VRK1: variants seen among roughly 807,000 people sequenced by gnomAD.
VRK1 encodes serine/threonine-protein kinase VRK1.
A neutral mutation model predicts 57.1 loss-of-function variants in VRK1; 33 were observed. The ratio of observed to expected loss-of-function variants is 0.58; its 90% confidence interval spans 0.44 to 0.77. VRK1 has a LOEUF of 0.77. VRK1 is among the 30% of genes least tolerant of loss of function. The pLI, the probability that VRK1 is intolerant of heterozygous loss-of-function variation, is 0.00. For missense variants in VRK1, 413 were observed against 477.3 expected (o/e 0.87, Z 1.25); for synonymous variants, 137 against 147.8 (o/e 0.93, Z 0.53).
intron 1 of VRK1, among the ~76,000 whole-genome samples, chr14:96,813,487 C>T (rs544286763): frequency 6.6e-5 from 10 of 151,628 alleles, no homozygotes; most frequent in South Asian, 2.1e-4. Context: ...TCTTCAGTGG[C>T]GTATACATCA....
chr14:96,863,658 T>A (rs1242238677), intron 11 of VRK1, among the ~76,000 whole-genome samples: 1 of 152,204 alleles, frequency 6.6e-6, no homozygotes, highest in Non-Finnish European at 1.5e-5. Flanking sequence ...ATATTGTTGC[T>A]CCCTATGAAT....
chr14:96,805,800 C>T (rs1475844045), intron 1 of VRK1, among the ~76,000 whole-genome samples: 1 of 152,102 alleles, frequency 6.6e-6, no homozygotes, highest in Non-Finnish European at 1.5e-5. Context: ...GAAAGAAGGG[C>T]AGTGTTAAAA....
chr14:96,878,899 A>G (rs2139852337), intron 12 of VRK1, among the ~76,000 whole-genome samples: 1 of 152,252 alleles, frequency 6.6e-6, no homozygotes, highest in South Asian at 2.1e-4. Context: ...AAAATTAGCT[A>G]ATATAGCCAT....
intron 1 of VRK1, among the ~76,000 whole-genome samples, chr14:96,827,348 T>C (rs1245792906): frequency 1.3e-5 from 2 of 152,200 alleles, no homozygotes; most frequent in African/African-American, 4.8e-5. Flanking sequence ...CTGCAAGACT[T>C]AGCAGAGAAA....
intron 3 of VRK1, among the ~76,000 whole-genome samples, chr14:96,841,085 T>G (rs1394278467): frequency 6.6e-6 from 1 of 152,216 alleles, no homozygotes; most frequent in African/African-American, 2.4e-5. Flanking sequence ...GTCAAACTCT[T>G]AAGCTCAAGT....
At chr14:96,818,785 A>AT in intron 1 of VRK1, among the ~76,000 whole-genome samples, 1 of 152,196 alleles carries the variant, frequency 6.6e-6, no homozygotes, top group South Asian at 2.1e-4. Flanking sequence ...ATGTTTAGTG[A>AT]TTTTGGTCAT....
chr14:96,833,405 G>A, intron 1 of VRK1, 62 bp from the exon 2 acceptor site: 2 of 1,600,172 alleles, frequency 1.2e-6, no homozygotes, highest in Non-Finnish European at 1.7e-6. Context: ...TTTCCTTAGG[G>A]AAAAATGTTT....
At chr14:96,872,414 A>G (rs915831084) in intron 11 of VRK1, among the ~76,000 whole-genome samples, 1 of 152,210 alleles carries the variant, frequency 6.6e-6, no homozygotes, top group African/African-American at 2.4e-5. Flanking sequence ...GAGGAAAACC[A>G]TAGTCCTTGC....
chr14:96,875,909 T>G, intron 11 of VRK1, 121 bp from the exon 12 acceptor site: 1 of 1,011,420 alleles, frequency 9.9e-7, no homozygotes, highest in South Asian at 1.3e-5. Context: ...ATTCTTCCTG[T>G]GTGTTTTGAC....
chr14:96,851,707 A>G (rs965813635), intron 5 of VRK1, among the ~76,000 whole-genome samples: 1 of 152,222 alleles, frequency 6.6e-6, no homozygotes, highest in African/African-American at 2.4e-5. Flanking sequence ...ATTTCAGTTA[A>G]TATGTAGTAC....
intron 1 of VRK1, among the ~76,000 whole-genome samples, chr14:96,806,243 G>A (rs1235155274): frequency 6.6e-6 from 1 of 152,164 alleles, no homozygotes; most frequent in Non-Finnish European, 1.5e-5. Context: ...TCACGCCTAT[G>A]GATAAAAGGA....
At chr14:96,806,045 T>G (rs2224442) in intron 1 of VRK1, among the ~76,000 whole-genome samples, 18,818 of 151,556 alleles carry the variant, frequency 0.12, 2,866 homozygotes, top group East Asian at 0.83. Flanking sequence ...AGCTGCCCAT[T>G]TAAAACTATC....
chr14:96,806,131 G>A (rs1885867662), intron 1 of VRK1, among the ~76,000 whole-genome samples: 1 of 152,150 alleles, frequency 6.6e-6, no homozygotes, highest in East Asian at 1.9e-4. Context: ...ACAGATGGGC[G>A]TGAGTATAGG....
intron 3 of VRK1, among the ~76,000 whole-genome samples, chr14:96,845,861 AT>A (rs1887664299): frequency 6.6e-6 from 1 of 152,154 alleles, no homozygotes; most frequent in African/African-American, 2.4e-5. Context: ...TATATATCTG[AT>A]TTTGTATAAT....
At chr14:96,869,963 T>C (rs577100371) in intron 11 of VRK1, among the ~76,000 whole-genome samples, 12 of 152,300 alleles carry the variant, frequency 7.9e-5, no homozygotes, top group African/African-American at 2.4e-4. Context: ...TTGGTTTTCA[T>C]TGATGTATTT....
intron 11 of VRK1, among the ~76,000 whole-genome samples, chr14:96,873,908 G>A (rs1472807952): frequency 6.6e-6 from 1 of 152,208 alleles, no homozygotes; most frequent in Non-Finnish European, 1.5e-5. Context: ...TAATGCAGTA[G>A]AGTGCTTTAC....
chr14:96,809,528 G>A (rs796330100), intron 1 of VRK1, among the ~76,000 whole-genome samples: 7 of 148,966 alleles, frequency 4.7e-5, no homozygotes, highest in African/African-American at 1.7e-4. Context: ...AGAATTCCTG[G>A]TCAAAATGTA....
At chr14:96,841,318 A>G (rs1887451130) in intron 3 of VRK1, among the ~76,000 whole-genome samples, 1 of 152,194 alleles carries the variant, frequency 6.6e-6, no homozygotes. Context: ...AGTTAAGAAA[A>G]AACATGGCCA....
chr14:96,857,440 C>T (rs556010870), intron 10 of VRK1, among the ~76,000 whole-genome samples: 4 of 152,090 alleles, frequency 2.6e-5, no homozygotes, highest in South Asian at 2.1e-4. Context: ...ACACTAGTGC[C>T]CAGGAGATGC....
Sources: gnomAD v4.1 joint callset for allele counts (sites outside exome capture counted in the v4.1 genomes callset) on GRCh38, gnomAD v4.1.1 for gene constraint, MANE v1.5 for transcripts, NCBI Gene and HGNC (gene_info 2026-07-23, HGNC 2026-07-21) for gene names.